The following DACH2 variants were observed in gnomAD, a reference collection of about 807,000 sequenced individuals.
DACH2 encodes dachshund homolog 2.
A neutral mutation model predicts 35.8 loss-of-function variants in DACH2; 17 were observed. That is an observed-to-expected ratio of 0.48 (90% CI 0.33 to 0.71). DACH2 has a LOEUF of 0.71. Ranked by LOEUF, DACH2 falls within the 30% of genes least tolerant of loss-of-function variation. The probability of loss-of-function intolerance (pLI) is 0.02; values close to 1 mark genes in which losing one functional copy is unlikely to be tolerated. For missense variants in DACH2, 469 were observed against 472.7 expected (o/e 0.99, Z 0.07); for synonymous variants, 195 against 177.3 (o/e 1.10, Z -0.79).
chrX:86,709,948 C>A (rs1181512524), intron 5 of DACH2, among the ~76,000 whole-genome samples: 1 of 111,713 alleles, frequency 9.0e-6, no homozygotes, highest in African/African-American at 3.3e-5. Context: ...AATGGAAATG[C>A]AAAATACTAT....
chrX:86,153,942 T>C (rs1246941579), intron 1 of DACH2, among the ~76,000 whole-genome samples: 1 of 111,767 alleles, frequency 8.9e-6, no homozygotes, highest in Non-Finnish European at 1.9e-5. Context: ...TTTGGATTTT[T>C]ATGTATCATA....
chrX:86,812,986 T>C lies in DACH2; in HGVS notation c.1371T>C (p.Thr457=), dbSNP rs760149851. 2.5e-6 allele frequency: 3 copies of C among 1,201,204 alleles called. No individual in the cohort carries two copies. In the South Asian group the frequency reaches 5.4e-5, roughly 22 times the overall value. ...IFADSLSSVE[T]LLTNIQGLLK... Reference sequence around the variant, plus strand: ...CTGATAGTCTGTCCTCCGTGGAGACTCTGTTGACCAACATTCAGGTCAACA... The same window carrying C: ...CTGATAGTCTGTCCTCCGTGGAGACCCTGTTGACCAACATTCAGGTCAACA... Residue 457 remains threonine, a synonymous_variant, in exon 8 of 12, where the codon ACT becomes ACC. Coordinates refer to ENST00000373125, the MANE Select transcript of DACH2 (RefSeq NM_053281.3).
At chrX:86,748,698 A>G (rs1844018419) in intron 7 of DACH2, among the ~76,000 whole-genome samples, 1 of 111,629 alleles carries the variant, frequency 9.0e-6, no homozygotes, top group African/African-American at 3.3e-5. Flanking sequence ...GTAATGGAAA[A>G]TGTGCATTGG....
At chrX:86,378,083 G>A (rs2035994968) in intron 2 of DACH2, among the ~76,000 whole-genome samples, 2 of 110,379 alleles carry the variant, frequency 1.8e-5, no homozygotes, top group Admixed American at 1.9e-4. Context: ...TTATATGAAT[G>A]CAATTGAATT....
chrX:86,331,526 A>C (rs1470521714), intron 1 of DACH2, among the ~76,000 whole-genome samples: 2 of 111,337 alleles, frequency 1.8e-5, no homozygotes, highest in Non-Finnish European at 3.8e-5. Flanking sequence ...TCTAATTGTC[A>C]CTTACTGGTG....
chrX:86,644,648 T>C (rs999493241), intron 3 of DACH2, among the ~76,000 whole-genome samples: 1 of 111,758 alleles, frequency 8.9e-6, no homozygotes, highest in Admixed American at 9.5e-5. Context: ...GAAATCACAT[T>C]ACCTGACTTC....
intron 4 of DACH2, among the ~76,000 whole-genome samples, chrX:86,652,926 T>G (rs970428086): frequency 8.9e-6 from 1 of 112,212 alleles, no homozygotes; most frequent in African/African-American, 3.2e-5. Context: ...GCAGAAGCTC[T>G]TTACTTTAAT....
chrX:86,674,866 A>G (rs1278832888), intron 4 of DACH2, among the ~76,000 whole-genome samples: 1 of 110,985 alleles, frequency 9.0e-6, no homozygotes, highest in Non-Finnish European at 1.9e-5. Flanking sequence ...CCATGCTTTT[A>G]TGTAGCACAG....
At chrX:86,742,715 A>G (rs1357392017) in intron 7 of DACH2, 2 of 296,368 alleles carry the variant, frequency 6.7e-6, no homozygotes, top group East Asian at 2.2e-4. Context: ...AAATTCCAAA[A>G]AGATAATTAA....
chrX:86,473,471 G>A (rs1332025514), intron 2 of DACH2, among the ~76,000 whole-genome samples: 1 of 110,844 alleles, frequency 9.0e-6, no homozygotes, highest in African/African-American at 3.3e-5. Context: ...TCATCTTACT[G>A]TATTTTTATA....
At chrX:86,263,714 T>C (rs2033666164) in intron 1 of DACH2, among the ~76,000 whole-genome samples, 1 of 111,632 alleles carries the variant, frequency 9.0e-6, no homozygotes, top group Non-Finnish European at 1.9e-5. Context: ...GATGCCATTG[T>C]CTGTGCTGTT....
At chrX:86,813,320 G>A (rs1277704759) in intron 9 of DACH2, 43 bp downstream of exon 9, 3 of 1,113,286 alleles carry the variant, frequency 2.7e-6, no homozygotes, top group East Asian at 3.1e-5. Flanking sequence ...ATTATGTTGG[G>A]GGTATTTTCA....
At chrX:86,437,990 C>A (rs906701041) in intron 2 of DACH2, among the ~76,000 whole-genome samples, 2 of 109,523 alleles carry the variant, frequency 1.8e-5, no homozygotes, top group Admixed American at 9.8e-5. Context: ...AGGTACTAAG[C>A]CTAGTACCCA....
At chrX:86,243,592 C>T (rs923679790) in intron 1 of DACH2, among the ~76,000 whole-genome samples, 2 of 110,957 alleles carry the variant, frequency 1.8e-5, no homozygotes, top group African/African-American at 6.5e-5. Flanking sequence ...GCCCACTATT[C>T]AGAGACAGTG....
intron 1 of DACH2, among the ~76,000 whole-genome samples, chrX:86,198,582 T>A (rs779440742): frequency 9.0e-6 from 1 of 111,340 alleles, no homozygotes; most frequent in Non-Finnish European, 1.9e-5. Context: ...AAAAAGGGGA[T>A]ATTACCACTG....
chrX:86,620,486 G>T (rs369525725), intron 3 of DACH2, among the ~76,000 whole-genome samples: 1 of 111,396 alleles, frequency 9.0e-6, no homozygotes, highest in Non-Finnish European at 1.9e-5. Context: ...CATGAGAGAC[G>T]ATAACTGCTA....
chrX:86,755,320 T>A (rs1437238937), intron 7 of DACH2, among the ~76,000 whole-genome samples: 1 of 111,733 alleles, frequency 8.9e-6, no homozygotes, highest in Non-Finnish European at 1.9e-5. Context: ...TGGATATTAA[T>A]CTCTTGCTGG....
chrX:86,753,179 T>C (rs746858164), intron 7 of DACH2, among the ~76,000 whole-genome samples: 20 of 110,968 alleles, frequency 1.8e-4, no homozygotes, highest in South Asian at 1.5e-3. Flanking sequence ...CTGTTATATG[T>C]GTTATTACTG....
intron 5 of DACH2, among the ~76,000 whole-genome samples, chrX:86,706,263 G>GA (rs1375847575): frequency 1.8e-5 from 2 of 110,882 alleles, no homozygotes; most frequent in East Asian, 2.8e-4. Flanking sequence ...AAAATAACAA[G>GA]AAAAAGTAAT....
Sources: gnomAD v4.1 joint callset for allele counts (sites outside exome capture counted in the v4.1 genomes callset) on GRCh38, gnomAD v4.1.1 for gene constraint, MANE v1.5 for transcripts, NCBI Gene and HGNC (gene_info 2026-07-23, HGNC 2026-07-21) for gene names.